The following SMARCC1 variants were observed in gnomAD, a reference collection of about 807,000 sequenced individuals.
SMARCC1 encodes the protein SWI/SNF complex subunit SMARCC1.
SMARCC1 carries 43 observed loss-of-function variants against 147.4 expected under a neutral mutation model. The observed-to-expected ratio is 0.29, with a 90% CI of 0.23 to 0.38. The LOEUF (loss-of-function observed/expected upper bound fraction) is 0.38. Among genes scored for constraint, SMARCC1 ranks in the 10% least tolerant of loss-of-function variants. SMARCC1 has a pLI of 1.00. For missense variants in SMARCC1, 1,119 were observed against 1,381.1 expected (o/e 0.81, Z 3.01); for synonymous variants, 495 against 484.4 (o/e 1.02, Z -0.29).
intron 24 of SMARCC1, among the ~76,000 whole-genome samples, chr3:47,633,699 A>T (rs2032922193): frequency 7.0e-6 from 1 of 143,420 alleles, no homozygotes; most frequent in Admixed American, 7.4e-5. Context: ...AGCCAAGATC[A>T]CACCACTGCA....
chr3:47,764,271 T>C (rs1190398760), intron 2 of SMARCC1, among the ~76,000 whole-genome samples: 1 of 152,042 alleles, frequency 6.6e-6, no homozygotes, highest in Non-Finnish European at 1.5e-5. Context: ...CCTTGCCTCA[T>C]GTGACCCTCC....
Position 47,610,300 on chromosome 3 carries a change from T to C in SMARCC1, c.2809A>G (p.Thr937Ala). ...TCCATGTGGAAGTTTTGGCGTTCAG[T>C]AAGCAACTGCTGCCTCTGTTGTTCT... ...ALEQQRQQLL[T>A]ERQNFHMEQL... The change falls in exon 26 of 28, where the codon ACT becomes GCT. Residue 937 changes from threonine (T) to alanine (A), a missense_variant. By Grantham distance (58) the Thr-to-Ala change is moderately conservative. Around this residue, in one of 6 missense-constraint regions of SMARCC1, gnomAD observed 42 missense variants for 89.4 expected, o/e 0.47. Transcript: ENST00000254480. 1 of 1,614,204 alleles carries C rather than the reference T, an allele frequency of 6.2e-7. No homozygotes were observed. Among genetic ancestry groups the C allele is most frequent in the Non-Finnish European group, 8.5e-7 (1 of 1,180,040 alleles).
intron 21 of SMARCC1, among the ~76,000 whole-genome samples, chr3:47,639,577 G>A (rs1166611907): frequency 1.3e-5 from 2 of 152,072 alleles, no homozygotes; most frequent in East Asian, 3.9e-4. Flanking sequence ...AGCCAGGTGC[G>A]GTGGTGTGCA....
chr3:47,610,031 A>G, intron 26 of SMARCC1, 35 bp downstream of exon 26: 1 of 1,608,940 alleles, frequency 6.2e-7, no homozygotes, highest in Non-Finnish European at 8.5e-7. Context: ...TGTAGTGACC[A>G]TAAGCTTTTT....
chr3:47,642,282 T>G (rs191691882), intron 21 of SMARCC1, among the ~76,000 whole-genome samples: 137 of 152,138 alleles, frequency 9.0e-4, no homozygotes, highest in Non-Finnish European at 1.7e-3. Flanking sequence ...ATATGACCAA[T>G]AAATATAAGA....
At chr3:47,698,375 G>A (rs1026246816) in intron 11 of SMARCC1, among the ~76,000 whole-genome samples, 5 of 151,896 alleles carry the variant, frequency 3.3e-5, no homozygotes, top group East Asian at 1.9e-4. Context: ...GTGTTCTTTC[G>A]AAGACAGAGA....
intron 19 of SMARCC1, among the ~76,000 whole-genome samples, chr3:47,668,889 A>G (rs571284388): frequency 6.6e-6 from 1 of 152,116 alleles, no homozygotes; most frequent in African/African-American, 2.4e-5. Context: ...CTGTCTTAAA[A>G]AAAAAAAAAA....
At chr3:47,684,440 A>ATT (rs765703558) in intron 14 of SMARCC1, among the ~76,000 whole-genome samples, 5 of 141,758 alleles carry the variant, frequency 3.5e-5, no homozygotes, top group Admixed American at 7.1e-5. Flanking sequence ...TTGGGTAGTA[A>ATT]TTTTTTTTTT....
chr3:47,644,510 T>TTTTG (rs1219075263), intron 21 of SMARCC1, among the ~76,000 whole-genome samples: 2 of 152,002 alleles, frequency 1.3e-5, no homozygotes, highest in African/African-American at 2.4e-5. Flanking sequence ...GAAAAACTTT[T>TTTTG]TTTGTTTGTT....
intron 21 of SMARCC1, among the ~76,000 whole-genome samples, chr3:47,651,154 A>C (rs896925922): frequency 1.4e-4 from 21 of 152,046 alleles, no homozygotes; most frequent in Admixed American, 2.6e-4. Flanking sequence ...AAAACACACA[A>C]AAATCAAGGT....
intron 3 of SMARCC1, among the ~76,000 whole-genome samples, chr3:47,741,011 TA>T (rs1227073842): frequency 6.6e-6 from 1 of 152,032 alleles, no homozygotes; most frequent in Non-Finnish European, 1.5e-5. Flanking sequence ...GATAGAAGAA[TA>T]AAACATTATC....
At chr3:47,702,221 C>A in intron 10 of SMARCC1, among the ~76,000 whole-genome samples, 4 of 70,232 alleles carry the variant, frequency 5.7e-5, no homozygotes, top group Non-Finnish European at 3.0e-5. Context: ...TAATAAATGT[C>A]AGGGGGCTCA....
At chr3:47,720,641 A>C (rs1321705730) in intron 7 of SMARCC1, 25 bp downstream of exon 7, 5 of 1,445,410 alleles carry the variant, frequency 3.5e-6, no homozygotes, top group Non-Finnish European at 4.8e-6. Flanking sequence ...TCTTTATACC[A>C]GGTCTCACAG....
intron 5 of SMARCC1, among the ~76,000 whole-genome samples, chr3:47,733,314 A>G (rs553210427): frequency 3.6e-4 from 55 of 152,226 alleles, no homozygotes; most frequent in Admixed American, 1.9e-3. Flanking sequence ...TCTGCGGCTC[A>G]CGCCTGCAAT....
chr3:47,708,094 T>TTTTTTTC (rs2034035975), intron 9 of SMARCC1, among the ~76,000 whole-genome samples: 1 of 108,242 alleles, frequency 9.2e-6, no homozygotes, highest in Non-Finnish European at 1.8e-5. Context: ...TTTTTTTTTT[T>TTTTTTTC]TTTTTTTTTT....
intron 26 of SMARCC1, among the ~76,000 whole-genome samples, chr3:47,596,067 A>AAAAACAAAAC (rs71098500): frequency 4.7e-5 from 7 of 150,310 alleles, no homozygotes; most frequent in Non-Finnish European, 1.0e-4. Context: ...AAACAAAAAC[A>AAAAACAAAAC]AAAACAAAAC....
chr3:47,610,122 G>T lies in SMARCC1; in HGVS notation c.2987C>A (p.Pro996His). ...GTGGTGCATCAGAGGGTAGGGAGGG[G>T]GCTGTTGATGAGGCATCATGCCAGG... ...GHPGMMPHQQ[P>H]PPYPLMHHQM... The change falls in exon 26 of 28, where the codon CCC becomes CAC. Residue 996 changes from proline (P) to histidine (H), a missense_variant. Transcript: ENST00000254480. 6.2e-7 allele frequency: 1 copy of T among 1,613,506 alleles called. No homozygotes were observed. Among genetic ancestry groups the T allele is most frequent in the Non-Finnish European group, 8.5e-7 (1 of 1,180,040 alleles).
intron 18 of SMARCC1, 69 bp from the exon 19 acceptor site, chr3:47,670,786 T>C (rs2033485062): frequency 7.4e-6 from 7 of 947,080 alleles, no homozygotes; most frequent in Non-Finnish European, 1.2e-5. Context: ...GTAGAATTCC[T>C]TTCCAAGCTC....
intron 25 of SMARCC1, among the ~76,000 whole-genome samples, chr3:47,618,350 T>G (rs962369247): frequency 2.0e-5 from 3 of 151,112 alleles, no homozygotes; most frequent in Admixed American, 1.3e-4. Context: ...GAGACCAGCC[T>G]GGGCAACATG....
Sources: gnomAD v4.1 joint callset for allele counts (sites outside exome capture counted in the v4.1 genomes callset) on GRCh38, gnomAD v4.1.1 for gene constraint, gnomAD v4.1.1 regional missense constraint, MANE v1.5 for transcripts, NCBI Gene and HGNC (gene_info 2026-07-23, HGNC 2026-07-21) for gene names.